SPIDR: variants seen among roughly 807,000 people sequenced by gnomAD.
SPIDR encodes the protein DNA repair-scaffolding protein.
Under a neutral mutation model 104.6 loss-of-function variants are expected in SPIDR, and 93 were observed. The ratio of observed to expected loss-of-function variants is 0.89; its 90% CI spans 0.75 to 1.06. SPIDR has a LOEUF of 1.06. Ranked by LOEUF, SPIDR falls within the 50% of genes least tolerant of loss-of-function variation. The pLI is 0.00. For missense variants in SPIDR, 1,154 were observed against 1,111.2 expected, an observed-to-expected ratio of 1.04 and a Z score of -0.55; for synonymous variants, 431 against 416.9, an observed-to-expected ratio of 1.03 and a Z score of -0.41.
chr8:47,363,842 T>G lies in SPIDR; in HGVS notation c.526-32534T>G, dbSNP rs529655775. ...CTAGGTGGTTTTTCTGTTCTGTAGG[T>G]TTTTTTTTTTTTTCTCTCTCTGTCT... On this transcript the variant is annotated intron_variant, in intron 5 of 19. Transcript: ENST00000297423. 5.0e-5 allele frequency among the ~76,000 whole-genome samples: 7 copies of G among 140,712 alleles called. 1 individual carries two copies. The highest frequency in any genetic ancestry group is 2.0e-4 in the East Asian group (1 of 4,892). 92.3% of individuals were successfully genotyped at this position (140,712 alleles called of 152,430 possible). A position where few individuals can be genotyped will look rare whatever the true frequency, so the allele number is the denominator to read the frequency against.
At chr8:47,505,392 G>C (rs1292943005) in intron 8 of SPIDR, among the ~76,000 whole-genome samples, 1 of 151,922 alleles carries the variant, frequency 6.6e-6, no homozygotes, top group Non-Finnish European at 1.5e-5. Context: ...AGACTGCTGT[G>C]CTAGCAATGA....
chr8:47,728,130 A>G (rs571114168), intron 17 of SPIDR, among the ~76,000 whole-genome samples: 1 of 146,374 alleles, frequency 6.8e-6, no homozygotes, highest in Admixed American at 6.8e-5. Flanking sequence ...AGAAAAAGAG[A>G]AAAAAAAAAG....
chr8:47,654,023 G>C, intron 10 of SPIDR: 1 of 1,288,234 alleles, frequency 7.8e-7, no homozygotes, highest in Non-Finnish European at 1.0e-6. Context: ...GATTCCATGA[G>C]GGGAACAGGC....
intron 5 of SPIDR, among the ~76,000 whole-genome samples, chr8:47,301,059 C>T (rs2154247475): frequency 6.6e-6 from 1 of 152,186 alleles, no homozygotes. Context: ...TTAAAGTCTC[C>T]CATTATTATT....
At chr8:47,431,337 C>G (rs1297008616) in intron 7 of SPIDR, among the ~76,000 whole-genome samples, 1 of 152,220 alleles carries the variant, frequency 6.6e-6, no homozygotes, top group Non-Finnish European at 1.5e-5. Context: ...AGGACTTCAA[C>G]ATAGGAATTT....
chr8:47,312,086 A>G (rs1457980073), intron 5 of SPIDR, among the ~76,000 whole-genome samples: 1 of 152,268 alleles, frequency 6.6e-6, no homozygotes, highest in East Asian at 1.9e-4. Context: ...TCCATGGTGG[A>G]TATGTGCCAC....
chr8:47,508,625 C>T (rs1395080332), intron 8 of SPIDR, among the ~76,000 whole-genome samples: 2 of 152,160 alleles, frequency 1.3e-5, no homozygotes, highest in Admixed American at 6.5e-5. Context: ...TTGAGCCCCT[C>T]GAATTCTAAC....
At chr8:47,342,328 CT>C (rs11357859) in intron 5 of SPIDR, among the ~76,000 whole-genome samples, 140 of 68,950 alleles carry the variant, frequency 2.0e-3, no homozygotes, top group Admixed American at 2.7e-3. Context: ...TTTCAAAGGT[CT>C]TTTTTTTTTT....
chr8:47,346,028 G>A (rs968234269), intron 5 of SPIDR, among the ~76,000 whole-genome samples: 1 of 152,134 alleles, frequency 6.6e-6, no homozygotes, highest in Non-Finnish European at 1.5e-5. Context: ...GAGAGGGCAT[G>A]CCTGTCTTGT....
At chr8:47,690,455 T>G (rs1310154130) in intron 11 of SPIDR, among the ~76,000 whole-genome samples, 1 of 149,162 alleles carries the variant, frequency 6.7e-6, no homozygotes, top group African/African-American at 2.4e-5. Context: ...TATATTATTA[T>G]ATTATTTTTA....
chr8:47,551,455 A>G (rs1357078209), intron 8 of SPIDR, among the ~76,000 whole-genome samples: 1 of 152,134 alleles, frequency 6.6e-6, no homozygotes, highest in Non-Finnish European at 1.5e-5. Context: ...AGAGCCTGTT[A>G]TCAGTCTATT....
intron 8 of SPIDR, among the ~76,000 whole-genome samples, chr8:47,551,356 T>A (rs2090441374): frequency 6.6e-6 from 1 of 152,240 alleles, no homozygotes; most frequent in Non-Finnish European, 1.5e-5. Flanking sequence ...TACCAGCTCC[T>A]CTTTGTTCCT....
At chr8:47,658,499 A>G (rs543727288) in intron 10 of SPIDR, among the ~76,000 whole-genome samples, 23 of 152,032 alleles carry the variant, frequency 1.5e-4, no homozygotes, top group Admixed American at 6.5e-4. Context: ...CAGCGGTTTT[A>G]TTTGTGTCTT....
chr8:47,698,474 A>G (rs2079665334), intron 11 of SPIDR, among the ~76,000 whole-genome samples: 1 of 152,254 alleles, frequency 6.6e-6, no homozygotes, highest in Non-Finnish European at 1.5e-5. Flanking sequence ...ATTTTTAAAA[A>G]TAGTTTTTAA....
chr8:47,329,396 CAG>C (rs2048280730), intron 5 of SPIDR, among the ~76,000 whole-genome samples: 2 of 152,034 alleles, frequency 1.3e-5, no homozygotes, highest in African/African-American at 4.8e-5. Context: ...TTTGTAGAGA[CAG>C]GGTTTCACCA....
intron 7 of SPIDR, among the ~76,000 whole-genome samples, chr8:47,435,630 G>T (rs146722033): frequency 2.3e-3 from 348 of 152,042 alleles, no homozygotes; most frequent in African/African-American, 7.7e-3. Context: ...TTTGATCTTT[G>T]TGGCACTTTC....
intron 8 of SPIDR, among the ~76,000 whole-genome samples, chr8:47,584,696 A>G (rs1442616908): frequency 6.6e-6 from 1 of 152,218 alleles, no homozygotes; most frequent in Non-Finnish European, 1.5e-5. Context: ...AGCTGTTAAA[A>G]CAGTATTACT....
At chr8:47,497,850 C>T (rs2079689464) in intron 8 of SPIDR, among the ~76,000 whole-genome samples, 1 of 152,134 alleles carries the variant, frequency 6.6e-6, no homozygotes, top group East Asian at 1.9e-4. Context: ...TGTCAGGCAT[C>T]ACTCTAAAGA....
chr8:47,476,963 C>A (rs1191564072), intron 8 of SPIDR, among the ~76,000 whole-genome samples: 1 of 152,132 alleles, frequency 6.6e-6, no homozygotes, highest in Non-Finnish European at 1.5e-5. Context: ...ACAAATATAA[C>A]CTGTTTAAAT....
Sources: gnomAD v4.1 joint callset for allele counts (sites outside exome capture counted in the v4.1 genomes callset) on GRCh38, gnomAD v4.1.1 for gene constraint, MANE v1.5 for transcripts, NCBI Gene and HGNC (gene_info 2026-07-23, HGNC 2026-07-21) for gene names.